Variants in TLK1 observed in about 807,000 individuals in gnomAD.
TLK1 encodes tousled like kinase 1, also known as serine/threonine-protein kinase tousled-like 1.
A neutral mutation model predicts 105.3 loss-of-function variants in TLK1; 24 were observed. The observed-to-expected ratio is 0.23, with a 90% CI of 0.17 to 0.32. The LOEUF is 0.32. Among genes scored for constraint, TLK1 ranks in the 10% least tolerant of loss-of-function variants. The pLI, the probability that TLK1 is intolerant of heterozygous loss-of-function variation, is 1.00. For synonymous variants in TLK1, 321 were observed against 310.4 expected (o/e 1.03, Z -0.36); for missense variants, 558 against 910.5 (o/e 0.61, Z 4.98).
At chr2:171,180,140 T>C (rs893795978) in intron 1 of TLK1, among the ~76,000 whole-genome samples, 1 of 148,368 alleles carries the variant, frequency 6.7e-6, no homozygotes. Context: ...GGGGTGGACG[T>C]CTATAATCCC....
At chr2:171,214,016 C>T (rs540487181) in intron 1 of TLK1, among the ~76,000 whole-genome samples, 35 of 151,244 alleles carry the variant, frequency 2.3e-4, no homozygotes, top group African/African-American at 8.0e-4. Flanking sequence ...CTTTCAGACT[C>T]TGGTGAATAG....
At chr2:171,015,294 T>C (rs1247287836) in intron 12 of TLK1, among the ~76,000 whole-genome samples, 2 of 146,028 alleles carry the variant, frequency 1.4e-5, no homozygotes, top group African/African-American at 4.9e-5. Context: ...AAATTTTAAT[T>C]TAAGAAGGAA....
chr2:171,148,890 A>AAAAAAATATAT (rs1445171800), intron 1 of TLK1, among the ~76,000 whole-genome samples: 30 of 138,452 alleles, frequency 2.2e-4, no homozygotes, highest in African/African-American at 7.6e-4. Context: ...AAAAAAAAAA[A>AAAAAAATATAT]ATATATATAT....
At chr2:171,215,732 T>C (rs1308769779) in intron 1 of TLK1, among the ~76,000 whole-genome samples, 1 of 152,196 alleles carries the variant, frequency 6.6e-6, no homozygotes, top group African/African-American at 2.4e-5. Flanking sequence ...TTATAGTCTG[T>C]CAGAGGCCAA....
At chr2:171,037,437 G>A (rs1364523702) in intron 11 of TLK1, among the ~76,000 whole-genome samples, 80 of 102,646 alleles carry the variant, frequency 7.8e-4, no homozygotes, top group African/African-American at 2.1e-3. Flanking sequence ...GTGAAACTCC[G>A]TCTCAAAAAA....
At chr2:171,213,546 C>T (rs563522517) in intron 1 of TLK1, among the ~76,000 whole-genome samples, 4 of 151,152 alleles carry the variant, frequency 2.6e-5, no homozygotes, top group East Asian at 2.0e-4. Flanking sequence ...AGTTTGGGCC[C>T]GGTGGCTCAT....
intron 11 of TLK1, among the ~76,000 whole-genome samples, chr2:171,044,655 G>A (rs1032811396): frequency 5.9e-5 from 9 of 152,110 alleles, no homozygotes; most frequent in African/African-American, 1.9e-4. Flanking sequence ...AGGAGAATAC[G>A]CAGAGTGAGA....
chr2:171,212,030 G>C (rs1159543779), intron 1 of TLK1, among the ~76,000 whole-genome samples: 1 of 151,338 alleles, frequency 6.6e-6, no homozygotes, highest in Non-Finnish European at 1.5e-5. Context: ...TACTTTGGTA[G>C]AGACAGGGTT....
At chr2:171,131,426 A>G (rs887500174) in intron 1 of TLK1, among the ~76,000 whole-genome samples, 2 of 152,288 alleles carry the variant, frequency 1.3e-5, no homozygotes, top group Admixed American at 6.5e-5. Flanking sequence ...CCTTTTTTGT[A>G]TAACTCTAAA....
Position 171,117,795 on chromosome 2 carries a change from T to C in TLK1, c.202A>G (p.Thr68Ala). ...RRQELLEARF[T>A]GVASGSTGST... The stretch of plus-strand genomic sequence containing the variant: ...CCAGTGCTCCCACTTGCAACTCCAG[T>C]AAATCTAGCTTCCAATAACTCTTGC... The change falls in exon 2 of 21, where the codon ACT becomes GCT. Residue 68 changes from threonine to alanine, a missense_variant. Physicochemically the swap from Thr to Ala is moderately conservative, Grantham distance 58. Transcript: ENST00000431350. 1 of 1,614,036 alleles carries C rather than the reference T, an allele frequency of 6.2e-7. No homozygotes were observed. Among genetic ancestry groups the C allele is most frequent in the South Asian group, 1.1e-5 (1 of 91,082 alleles).
In TLK1 at chr2:171,053,825, G is replaced by A; in HGVS notation, c.668C>T (p.Ala223Val). The A allele has an allele frequency of 6.2e-7, 1 of 1,608,654 alleles. No individual in the cohort carries two copies. Among genetic ancestry groups the A allele is most frequent in the South Asian group, 1.1e-5 (1 of 90,346 alleles). The change falls in exon 8 of 21, where the codon GCA becomes GTA. Residue 223 changes from alanine to valine, a missense_variant. By Grantham distance (64) the Ala-to-Val change is moderately conservative. This residue lies in a region of TLK1 where 196 missense variants were observed against 239.3 expected (regional missense o/e 0.82). Transcript: ENST00000431350. ...GTCCTGGATTTTATTACTTTCTAAT[G>A]CTGCTAATTTCAGCATTGTGAGATC... ...QTDLTMLKLA[A>V]LESNKIQDLE...
intron 11 of TLK1, among the ~76,000 whole-genome samples, chr2:171,037,058 G>A (rs1686379752): frequency 6.6e-6 from 1 of 152,052 alleles, no homozygotes; most frequent in Non-Finnish European, 1.5e-5. Flanking sequence ...CTATCTGCAG[G>A]AAACTAGTCA....
intron 10 of TLK1, 27 bp from the exon 11 acceptor site, chr2:171,046,389 A>G (rs750658392): frequency 6.5e-7 from 1 of 1,548,954 alleles, no homozygotes; most frequent in African/African-American, 1.4e-5. Context: ...AAATAAAACC[A>G]TATTAACCTT....
rs151082405 is a variant in TLK1, at chr2:171,171,203, T to C, written c.-5-53346A>G. 2.2e-3 allele frequency among the ~76,000 whole-genome samples: 335 copies of C among 152,266 alleles called. 6 individuals carry two copies. The highest frequency in any genetic ancestry group is 4.2e-3 in the East Asian group (22 of 5,192). On this transcript the variant is annotated intron_variant, in intron 1 of 20. Coordinates refer to the TLK1 transcript ENST00000521943. ...AACTTCTAATCATCAAAAAACTTGC[T>C]TTAAGACAGTGAAGAGACCGGGTGC...
chr2:171,170,789 C>G (rs925626736), intron 1 of TLK1, among the ~76,000 whole-genome samples: 1 of 152,176 alleles, frequency 6.6e-6, no homozygotes. Context: ...TTGATTAACA[C>G]AATGGACAAA....
intron 1 of TLK1, among the ~76,000 whole-genome samples, chr2:171,132,200 C>G (rs10210693): frequency 0.39 from 59,975 of 151,996 alleles, 13,353 homozygotes; most frequent in African/African-American, 0.59. Flanking sequence ...CACAGAGCAG[C>G]AGAAGAATGA....
At chr2:171,126,921 TTAAA>T (rs1234914869) in intron 1 of TLK1, among the ~76,000 whole-genome samples, 3 of 151,760 alleles carry the variant, frequency 2.0e-5, no homozygotes, top group African/African-American at 7.3e-5. Context: ...AATATTCCAC[TTAAA>T]TAATTCCTTT....
chr2:171,212,975 T>C (rs1291597724), intron 1 of TLK1, among the ~76,000 whole-genome samples: 1 of 152,152 alleles, frequency 6.6e-6, no homozygotes, highest in Non-Finnish European at 1.5e-5. Context: ...TCTACATCTT[T>C]GCTATGAAAA....
chr2:171,176,110 T>C (rs1049253896), intron 1 of TLK1, among the ~76,000 whole-genome samples: 1 of 152,018 alleles, frequency 6.6e-6, no homozygotes, highest in Non-Finnish European at 1.5e-5. Context: ...CTAAATTTTT[T>C]TGTATTTTTA....
Sources: gnomAD v4.1 joint callset for allele counts (sites outside exome capture counted in the v4.1 genomes callset) on GRCh38, gnomAD v4.1.1 for gene constraint, gnomAD v4.1.1 regional missense constraint, MANE v1.5 for transcripts, NCBI Gene and HGNC (gene_info 2026-07-23, HGNC 2026-07-21) for gene names.